POLR2F: variants seen among roughly 807,000 people sequenced by gnomAD.
POLR2F encodes the protein DNA-directed RNA polymerases I, II, and III subunit RPABC2.
Under a neutral mutation model 22.7 loss-of-function variants are expected in POLR2F, and 12 were observed. The observed-to-expected ratio is 0.53, with a 90% CI of 0.34 to 0.86. POLR2F has a LOEUF of 0.86. POLR2F is among the 40% of genes least tolerant of loss of function. The pLI is 0.02. For missense variants in POLR2F, 126 were observed against 171.5 expected (o/e 0.73, Z 1.48); for synonymous variants, 57 against 66.0 (o/e 0.86, Z 0.66).
upstream of POLR2F, chr22:37,983,924 C>G: frequency 3.4e-6 from 2 of 594,500 alleles, no homozygotes; most frequent in South Asian, 3.5e-5. This position sits in a 1 kb window ranked among gnomAD's most constrained non-coding sequence, Gnocchi z 9.5. Context: ...GAGGGCGGCC[C>G]GAGACAGGAC....
intron 1 of POLR2F, among the ~76,000 whole-genome samples, chr22:38,021,633 T>G: frequency 6.6e-6 from 1 of 152,072 alleles, no homozygotes; most frequent in East Asian, 1.9e-4. Context: ...CTTTTTATAT[T>G]TTTAATAGAG....
chr22:37,976,414 A>G (rs1392498468), intron 4 of POLR2F, among the ~76,000 whole-genome samples: 2 of 152,044 alleles, frequency 1.3e-5, no homozygotes, highest in African/African-American at 4.8e-5. Context: ...CTCTCTCTAG[A>G]CTATGGGCCC....
chr22:38,038,602 GTCTC>G (rs1441960096), intron 5 of POLR2F, among the ~76,000 whole-genome samples: 5 of 152,120 alleles, frequency 3.3e-5, no homozygotes, highest in Non-Finnish European at 5.9e-5. Flanking sequence ...ATCTCTCCCT[GTCTC>G]TCTCTGCTCC....
intron 1 of POLR2F, 27 bp downstream of exon 1, chr22:37,953,834 G>A: frequency 6.2e-7 from 1 of 1,605,920 alleles, no homozygotes; most frequent in East Asian, 2.3e-5. Flanking sequence ...AGTGGCCTTT[G>A]CGGCAACCTT....
At chr22:38,036,628 G>T (rs1224980064) in intron 5 of POLR2F, among the ~76,000 whole-genome samples, 1 of 151,528 alleles carries the variant, frequency 6.6e-6, no homozygotes, top group African/African-American at 2.4e-5. Flanking sequence ...TGGGAGACGG[G>T]GTAAGGAGGG....
At chr22:38,038,477 G>A (rs745947385) in intron 5 of POLR2F, among the ~76,000 whole-genome samples, 70 of 152,180 alleles carry the variant, frequency 4.6e-4, no homozygotes, top group Non-Finnish European at 7.9e-4. Flanking sequence ...GGAGCCACCC[G>A]GGCACAGGAT....
At chr22:38,010,783 A>C (rs1193858162) in intron 1 of POLR2F, among the ~76,000 whole-genome samples, 1 of 151,468 alleles carries the variant, frequency 6.6e-6, no homozygotes, top group Non-Finnish European at 1.5e-5. Context: ...CGACCAGCTA[A>C]TTTTTGTATT....
chr22:38,011,680 A>G (rs1407855789), intron 1 of POLR2F, among the ~76,000 whole-genome samples: 1 of 152,144 alleles, frequency 6.6e-6, no homozygotes, highest in Non-Finnish European at 1.5e-5. Flanking sequence ...CTTGAGATCA[A>G]GTAGTACAAG....
intron 4 of POLR2F, 72 bp from the exon 5 acceptor site, chr22:37,967,553 A>C: frequency 6.3e-7 from 1 of 1,583,116 alleles, no homozygotes; most frequent in African/African-American, 1.4e-5. Context: ...TGTTTTGCAC[A>C]CAATCTGTTC....
Position 37,986,292 on chromosome 22 carries a change from G to C in POLR2F, c.102G>C (p.Leu34=). ...GCTGCTGCCCGCCCGCTGCCTGCCTGCCTGGCATCTCTCTCTCCCGGTGGG... is the reference window on the plus strand; with the variant it reads ...GCTGCTGCCCGCCCGCTGCCTGCCTCCCTGGCATCTCTCTCTCCCGGTGGG... Residue 34 remains leucine, a synonymous_variant, in exon 1 of 3, where the codon CTG becomes CTC. Transcript: ENST00000333418. This position sits in a 1 kb window ranked among gnomAD's most constrained non-coding sequence, Gnocchi z 4.7. 6.5e-7 allele frequency: 1 copy of C among 1,538,190 alleles called. No individual in the cohort carries two copies. The highest frequency in any genetic ancestry group is 2.4e-5 in the East Asian group (1 of 40,916).
chr22:37,967,226 G>A, intron 4 of POLR2F, 56 bp downstream of exon 4: 1 of 1,600,074 alleles, frequency 6.2e-7, no homozygotes, highest in Non-Finnish European at 8.6e-7. Flanking sequence ...CATCTGTTGG[G>A]CTCTCTGTTG....
chr22:37,996,249 T>A (rs2084712566), intron 1 of POLR2F, among the ~76,000 whole-genome samples: 1 of 152,160 alleles, frequency 6.6e-6, no homozygotes. Context: ...GGCAGATCTG[T>A]CAGCTTCAGA....
upstream of POLR2F, chr22:37,983,380 G>A (rs1411745220): frequency 1.9e-6 from 3 of 1,609,248 alleles, no homozygotes; most frequent in Non-Finnish European, 2.5e-6. This position sits in a 1 kb window ranked among gnomAD's most constrained non-coding sequence, Gnocchi z 9.5. Context: ...CCAGCGTCTT[G>A]CTGAGCTCAG....
At chr22:38,013,238 C>T (rs186948275) in intron 1 of POLR2F, among the ~76,000 whole-genome samples, 2 of 152,136 alleles carry the variant, frequency 1.3e-5, no homozygotes, top group African/African-American at 2.4e-5. Flanking sequence ...CTCTGCCTCC[C>T]GGTTTCAAGT....
At chr22:38,006,534 C>G (rs901503753) in intron 1 of POLR2F, among the ~76,000 whole-genome samples, 2 of 152,224 alleles carry the variant, frequency 1.3e-5, no homozygotes, top group Non-Finnish European at 2.9e-5. Flanking sequence ...GCAGGTTCAT[C>G]CCTTACTCTT....
intron 3 of POLR2F, among the ~76,000 whole-genome samples, chr22:37,966,128 T>TC (rs1426350906): frequency 5.9e-5 from 9 of 152,082 alleles, no homozygotes; most frequent in Middle Eastern, 3.4e-3. Context: ...GCAAAATGAG[T>TC]CCAGGTACTG....
At chr22:37,977,848 C>T in intron 4 of POLR2F, 1 of 1,600,396 alleles carries the variant, frequency 6.2e-7, no homozygotes, top group Non-Finnish European at 8.5e-7. Flanking sequence ...CCACCCTCAG[C>T]TCTGTCATCA....
At chr22:38,035,979 CTT>C (rs68189085) in intron 5 of POLR2F, among the ~76,000 whole-genome samples, 6 of 142,722 alleles carry the variant, frequency 4.2e-5, no homozygotes, top group Admixed American at 6.9e-5. Flanking sequence ...CCCTGCTTTT[CTT>C]TTTTTTTTTT....
chr22:37,964,081 C>G (rs1197071048), intron 3 of POLR2F, among the ~76,000 whole-genome samples: 1 of 150,026 alleles, frequency 6.7e-6, no homozygotes, highest in African/African-American at 2.5e-5. Flanking sequence ...GCCTGGGTGA[C>G]AGAGTGAGAC....
Sources: gnomAD v4.1 joint callset for allele counts (sites outside exome capture counted in the v4.1 genomes callset) on GRCh38, gnomAD v4.1.1 for gene constraint, Gnocchi (gnomAD v3.1) non-coding constraint, MANE v1.5 for transcripts, NCBI Gene and HGNC (gene_info 2026-07-23, HGNC 2026-07-21) for gene names.